Variants in MAJIN observed in about 807,000 individuals in gnomAD.
MAJIN encodes membrane-anchored junction protein.
MAJIN carries 27 observed loss-of-function variants against 30.2 expected under a neutral mutation model. That is an observed-to-expected ratio of 0.89 (90% CI 0.66 to 1.23). The LOEUF (loss-of-function observed/expected upper bound fraction) is 1.23, where lower values mean the gene tolerates loss of function less well. MAJIN is among the 50% of genes most tolerant of loss of function. MAJIN has a pLI of 0.00. For missense variants in MAJIN, 253 were observed against 260.3 expected, an observed-to-expected ratio of 0.97 and a Z score of 0.19; for synonymous variants, 78 against 91.6, an observed-to-expected ratio of 0.85 and a Z score of 0.85.
chr11:64,945,999 G>A (rs527512027), intron 8 of MAJIN: 8 of 1,281,230 alleles, frequency 6.2e-6, no homozygotes, highest in East Asian at 2.7e-5. Flanking sequence ...AAGATGTGCT[G>A]GTAACCGGAA....
In MAJIN at chr11:64,938,472, G is replaced by A. The variant is rs72931029; in HGVS notation, c.*103C>T. The A allele has an allele frequency of 6.8e-4, 1,012 of 1,497,940 alleles. 1 individual carries two copies. Among genetic ancestry groups the A allele is most frequent in the Non-Finnish European group, 8.7e-4 (964 of 1,112,428 alleles). 92.8% of individuals were successfully genotyped at this position (1,497,940 alleles called of 1,614,324 possible). A position where few individuals can be genotyped will look rare whatever the true frequency, so the allele number is the denominator to read the frequency against. ...GATAGAGTTGGAGGAAGAATGGCTC[G>A]GGAGGAGTCACTACAAGAGATGATC... On this transcript the variant is annotated 3_prime_UTR_variant, in exon 11 of 11. Coordinates refer to ENST00000301896, the MANE Select transcript of MAJIN (RefSeq NM_001037225.3).
chr11:64,959,101 A>G (rs1201338181), intron 3 of MAJIN, among the ~76,000 whole-genome samples: 1 of 151,832 alleles, frequency 6.6e-6, no homozygotes, highest in Non-Finnish European at 1.5e-5. Context: ...TTCAAAAAAA[A>G]AAAAAAAAAA....
At chr11:64,949,054 G>A (rs1027668825) in intron 6 of MAJIN, among the ~76,000 whole-genome samples, 6 of 151,282 alleles carry the variant, frequency 4.0e-5, no homozygotes, top group Non-Finnish European at 4.4e-5. Flanking sequence ...TAGGCACAGT[G>A]GCTCATGCCT....
chr11:64,944,637 C>T (rs1368432088), intron 8 of MAJIN, among the ~76,000 whole-genome samples: 2 of 152,014 alleles, frequency 1.3e-5, no homozygotes, highest in Non-Finnish European at 2.9e-5. Context: ...CCAGCCTGGG[C>T]AACAGAGTGT....
At chr11:64,970,290 C>A (rs959417933) in intron 1 of MAJIN, among the ~76,000 whole-genome samples, 1 of 147,844 alleles carries the variant, frequency 6.8e-6, no homozygotes, top group African/African-American at 2.5e-5. Context: ...TTGAACCCAG[C>A]AGGCAGAGGT....
At chr11:64,954,450 C>A (rs1419608568) in intron 4 of MAJIN, 2 of 461,078 alleles carry the variant, frequency 4.3e-6, no homozygotes, top group East Asian at 4.4e-5. Context: ...TGGAAGGAGG[C>A]AGTCCTCCGG....
intron 1 of MAJIN, among the ~76,000 whole-genome samples, chr11:64,969,455 T>TAA (rs879450150): frequency 4.9e-5 from 3 of 60,628 alleles, no homozygotes; most frequent in Admixed American, 1.7e-4. Context: ...AAGGGTATAA[T>TAA]AAAAAAAAAA....
intron 1 of MAJIN, among the ~76,000 whole-genome samples, chr11:64,970,683 A>G (rs902154279): frequency 1.3e-5 from 2 of 151,922 alleles, no homozygotes; most frequent in African/African-American, 4.8e-5. Context: ...CTTAAAAAAA[A>G]GAAAAAAAGA....
At chr11:64,959,125 A>G (rs1945683232) in intron 3 of MAJIN, among the ~76,000 whole-genome samples, 180 bp downstream of exon 3, 1 of 150,854 alleles carries the variant, frequency 6.6e-6, no homozygotes, top group African/African-American at 2.4e-5. Flanking sequence ...GTTGTCCCTC[A>G]TTTAGAAACT....
intron 1 of MAJIN, among the ~76,000 whole-genome samples, chr11:64,969,136 G>A (rs1945857851): frequency 6.6e-6 from 1 of 152,182 alleles, no homozygotes; most frequent in Admixed American, 6.5e-5. Context: ...CTACTGAGAT[G>A]GGGAATAATT....
In MAJIN at chr11:64,959,385, G is replaced by A; in HGVS notation, c.21C>T (p.Thr7=). The A allele has an allele frequency of 6.2e-7, 1 of 1,613,846 alleles. No homozygotes were observed. The highest frequency in any genetic ancestry group is 8.5e-7 in the Non-Finnish European group (1 of 1,179,824). Residue 7 remains threonine, a synonymous_variant, in exon 3 of 11, where the codon ACC becomes ACT. Coordinates refer to ENST00000301896, the MANE Select transcript of MAJIN (RefSeq NM_001037225.3). MSLKPF[T]YPFPETRFLH... ...GAAACCTCGTCTCTGGAAACGGGTA[G>A]GTAAAGGGTTTTAAACTCATTGCTC... is the stretch of plus-strand genomic sequence containing the variant.
At chr11:64,963,971 TCTCA>T (rs1565145082) in intron 1 of MAJIN, among the ~76,000 whole-genome samples, 1 of 152,084 alleles carries the variant, frequency 6.6e-6, no homozygotes, top group Non-Finnish European at 1.5e-5. Context: ...TGAGACGGAG[TCTCA>T]CTCTGTTGCC....
chr11:64,953,137 C>T (rs775963314), intron 4 of MAJIN, among the ~76,000 whole-genome samples: 11 of 152,186 alleles, frequency 7.2e-5, no homozygotes, highest in Admixed American at 2.6e-4. Flanking sequence ...TAAATACTCT[C>T]GAGCTACTAA....
At chr11:64,959,226 G>T in intron 3 of MAJIN, 79 bp downstream of exon 3, 6 of 1,138,658 alleles carry the variant, frequency 5.3e-6, no homozygotes, top group Non-Finnish European at 7.9e-6. Flanking sequence ...CTGGGTGAAG[G>T]TAAAGAAGAG....
chr11:64,947,553 T>C, intron 7 of MAJIN, 88 bp from the exon 8 acceptor site: 1 of 1,369,698 alleles, frequency 7.3e-7, no homozygotes, highest in Non-Finnish European at 1.0e-6. Flanking sequence ...TCCCCATCCT[T>C]AAACTGCCAA....
At position 64,947,498 on chromosome 11, in the gene MAJIN, C is replaced by T. The variant is rs756494124; in HGVS notation, c.382-33G>A. 1.1e-5 allele frequency: 18 copies of T among 1,590,228 alleles called. No individual in the cohort carries two copies. In the South Asian group the frequency reaches 2.0e-4, roughly 18 times the overall value. ...AGGAAGCAGATGCCTGTGACTCCTC[C>T]TTTCCAGAGTTGCTCACAGTTCATG... On this transcript the variant is annotated intron_variant, in intron 7 of 10. Coordinates refer to ENST00000301896, the MANE Select transcript of MAJIN (RefSeq NM_001037225.3).
intron 8 of MAJIN, among the ~76,000 whole-genome samples, chr11:64,943,119 C>T (rs892522386): frequency 1.3e-5 from 2 of 152,214 alleles, no homozygotes; most frequent in African/African-American, 4.8e-5. Flanking sequence ...GAACATAATA[C>T]TCTGAAAACC....
chr11:64,954,574 AAG>A, intron 4 of MAJIN, 181 bp downstream of exon 4: 1 of 712,196 alleles, frequency 1.4e-6, no homozygotes, highest in African/African-American at 1.7e-5. Flanking sequence ...AAAACTGAGA[AAG>A]AATACAGGCT....
intron 4 of MAJIN, among the ~76,000 whole-genome samples, chr11:64,952,223 C>G (rs998713290): frequency 2.0e-5 from 3 of 151,872 alleles, no homozygotes; most frequent in African/African-American, 7.3e-5. Context: ...TCTTCTTGCC[C>G]AGGCTGGAGT....
Sources: gnomAD v4.1 joint callset for allele counts (sites outside exome capture counted in the v4.1 genomes callset) on GRCh38, gnomAD v4.1.1 for gene constraint, MANE v1.5 for transcripts, NCBI Gene and HGNC (gene_info 2026-07-23, HGNC 2026-07-21) for gene names.